The following CA10 variants were observed in gnomAD, a reference collection of about 807,000 sequenced individuals.
CA10 encodes the protein carbonic anhydrase 10 (inactive).
Under a neutral mutation model 44.2 loss-of-function variants are expected in CA10, and 14 were observed. The observed-to-expected ratio is 0.32, with a 90% CI of 0.21 to 0.50. CA10 has a LOEUF of 0.50. CA10 is among the 20% of genes least tolerant of loss of function. The pLI is 0.99. For synonymous variants in CA10, 159 were observed against 141.6 expected, an observed-to-expected ratio of 1.12 and a Z score of -0.87; for missense variants, 350 against 409.7, an observed-to-expected ratio of 0.85 and a Z score of 1.26.
intron 1 of CA10, among the ~76,000 whole-genome samples, chr17:52,115,816 G>A (rs934638814): frequency 6.6e-6 from 1 of 152,222 alleles, no homozygotes; most frequent in African/African-American, 2.4e-5. Flanking sequence ...TCTCTCAGCT[G>A]GGCACAGTGG....
chr17:51,711,433 G>A (rs749729632), intron 4 of CA10, among the ~76,000 whole-genome samples: 1 of 152,168 alleles, frequency 6.6e-6, no homozygotes, highest in Admixed American at 6.5e-5. Flanking sequence ...AATCTTGCTG[G>A]TTTTGTTTAA....
At chr17:51,867,084 A>C (rs1044149189) in intron 3 of CA10, among the ~76,000 whole-genome samples, 1 of 152,178 alleles carries the variant, frequency 6.6e-6, no homozygotes, top group Non-Finnish European at 1.5e-5. Context: ...TGCTATTAAA[A>C]AAAAAAGAGC....
intron 4 of CA10, among the ~76,000 whole-genome samples, chr17:51,660,705 G>A (rs1034290014): frequency 1.3e-5 from 2 of 152,160 alleles, no homozygotes; most frequent in African/African-American, 2.4e-5. Context: ...AAGACCACAC[G>A]TGGCGTTCAC....
intron 3 of CA10, among the ~76,000 whole-genome samples, chr17:51,878,306 C>T (rs937687041): frequency 7.2e-5 from 11 of 151,962 alleles, no homozygotes; most frequent in African/African-American, 2.7e-4. Flanking sequence ...TAAAGTTCTC[C>T]ATATAATTCT....
intron 3 of CA10, among the ~76,000 whole-genome samples, chr17:51,911,330 T>C (rs2091528496): frequency 6.6e-6 from 1 of 152,172 alleles, no homozygotes; most frequent in African/African-American, 2.4e-5. Context: ...AATAACTTAC[T>C]AACACCCTGC....
intron 4 of CA10, among the ~76,000 whole-genome samples, chr17:51,729,366 C>T (rs1369930798): frequency 2.0e-5 from 3 of 151,934 alleles, no homozygotes; most frequent in African/African-American, 7.2e-5. Flanking sequence ...TCACCACACA[C>T]ACATGCACAC....
intron 3 of CA10, among the ~76,000 whole-genome samples, chr17:51,779,853 G>T (rs1905977930): frequency 6.6e-6 from 1 of 152,152 alleles, no homozygotes; most frequent in Non-Finnish European, 1.5e-5. Flanking sequence ...TCAGGAGAAG[G>T]CTGGAAACTT....
chr17:52,053,529 G>A (rs1987137362), intron 2 of CA10, among the ~76,000 whole-genome samples: 1 of 152,042 alleles, frequency 6.6e-6, no homozygotes, highest in Non-Finnish European at 1.5e-5. Context: ...AAAGTTTTTG[G>A]AAATTAAGAT....
intron 3 of CA10, among the ~76,000 whole-genome samples, chr17:51,929,709 C>G (rs1370313058): frequency 1.3e-5 from 2 of 151,950 alleles, no homozygotes; most frequent in Non-Finnish European, 2.9e-5. Flanking sequence ...AAATAATTCA[C>G]CTTTTTAAAG....
At chr17:51,780,672 CAA>C (rs1459337225) in intron 3 of CA10, among the ~76,000 whole-genome samples, 1 of 152,144 alleles carries the variant, frequency 6.6e-6, no homozygotes, top group African/African-American at 2.4e-5. Context: ...AGTGGCAACT[CAA>C]GAGAGAAAGT....
intron 2 of CA10, among the ~76,000 whole-genome samples, chr17:51,955,212 C>G (rs1225636736): frequency 6.6e-6 from 1 of 152,148 alleles, no homozygotes; most frequent in East Asian, 1.9e-4. Flanking sequence ...CTTTCTGCAT[C>G]TCGAAGTGGT....
intron 3 of CA10, among the ~76,000 whole-genome samples, chr17:51,892,613 T>G (rs1337801897): frequency 1.3e-5 from 2 of 152,184 alleles, no homozygotes; most frequent in Non-Finnish European, 2.9e-5. Flanking sequence ...CAATATGGGT[T>G]AGTTGGCCCA....
chr17:51,903,776 G>A (rs562334984), intron 3 of CA10, among the ~76,000 whole-genome samples: 2 of 152,120 alleles, frequency 1.3e-5, no homozygotes, highest in Non-Finnish European at 2.9e-5. Flanking sequence ...AACAAGAGAA[G>A]AGAGCTCCAA....
At chr17:51,911,049 G>T (rs993021846) in intron 3 of CA10, among the ~76,000 whole-genome samples, 2 of 152,194 alleles carry the variant, frequency 1.3e-5, no homozygotes, top group South Asian at 4.1e-4. Context: ...TGGAAGAAAA[G>T]TGGAGACGGC....
intron 2 of CA10, among the ~76,000 whole-genome samples, chr17:51,962,593 A>G (rs1312353121): frequency 6.6e-6 from 1 of 152,200 alleles, no homozygotes; most frequent in Non-Finnish European, 1.5e-5. Flanking sequence ...CTGGCTTGTA[A>G]GTCAAACCAC....
chr17:51,860,668 T>G (rs1229378177), intron 3 of CA10, among the ~76,000 whole-genome samples: 1 of 152,192 alleles, frequency 6.6e-6, no homozygotes, highest in Non-Finnish European at 1.5e-5. Flanking sequence ...AATGATATAT[T>G]TATATATGCC....
intron 4 of CA10, among the ~76,000 whole-genome samples, chr17:51,717,533 A>G (rs1201923797): frequency 1.4e-3 from 25 of 18,402 alleles, no homozygotes; most frequent in South Asian, 5.8e-3. Context: ...AAACTGGTAT[A>G]TATATATATA....
At chr17:51,950,499 A>G (rs963957321) in intron 2 of CA10, among the ~76,000 whole-genome samples, 3 of 152,138 alleles carry the variant, frequency 2.0e-5, no homozygotes, top group Admixed American at 6.6e-5. Context: ...CCACCCTTGC[A>G]GGGCTATGGA....
At chr17:51,880,963 G>A (rs1433589716) in intron 3 of CA10, among the ~76,000 whole-genome samples, 2 of 156 alleles carry the variant, frequency 0.013, no homozygotes, top group African/African-American at 0.062. Flanking sequence ...TCGGCCGGGC[G>A]CGGGTGGCTC....
Sources: allele counts gnomAD v4.1 joint callset (sites outside exome capture counted in the v4.1 genomes callset), GRCh38; gene constraint gnomAD v4.1.1; transcripts MANE v1.5; gene names NCBI Gene and HGNC (gene_info 2026-07-23, HGNC 2026-07-21).